Variants in DDHD1 observed in about 807,000 individuals in gnomAD.
The protein encoded by DDHD1 is DDHD domain containing 1.
In DDHD1, 49 loss-of-function variants were observed where a neutral mutation model predicts 96.4. The ratio of observed to expected loss-of-function variants is 0.51; its 90% CI spans 0.40 to 0.64. The LOEUF is 0.64. Among genes scored for constraint, DDHD1 ranks in the 30% least tolerant of loss-of-function variants. The probability of loss-of-function intolerance (pLI) is 0.00; values close to 1 mark genes in which losing one functional copy is unlikely to be tolerated. For missense variants in DDHD1, 1,106 were observed against 1,161.2 expected (o/e 0.95, Z 0.69); for synonymous variants, 442 against 446.5 (o/e 0.99, Z 0.13).
intron 4 of DDHD1, among the ~76,000 whole-genome samples, chr14:53,089,105 C>G (rs1886221991): frequency 6.6e-6 from 1 of 152,138 alleles, no homozygotes. Flanking sequence ...ATCCAACTTA[C>G]AAGGGATGTG....
At chr14:53,105,458 T>G (rs1887617065) in intron 1 of DDHD1, among the ~76,000 whole-genome samples, 2 of 152,168 alleles carry the variant, frequency 1.3e-5, no homozygotes, top group Admixed American at 1.3e-4. Flanking sequence ...TCTGGTATAT[T>G]TAGGTGTTTG....
intron 2 of DDHD1, 122 bp downstream of exon 2, chr14:53,103,561 A>C: frequency 1.2e-6 from 1 of 827,892 alleles, no homozygotes; most frequent in Non-Finnish European, 1.7e-6. Context: ...AAATGTTTAA[A>C]AAAATCAAAT....
At chr14:53,054,341 G>C in intron 11 of DDHD1, 97 bp downstream of exon 11, 3 of 1,042,480 alleles carry the variant, frequency 2.9e-6, no homozygotes, top group South Asian at 2.2e-5. Flanking sequence ...TTAGATCTTA[G>C]AGTTGACTAG....
At position 53,153,236 on chromosome 14, in the gene DDHD1, G is replaced by A. The variant is rs1891605797; in HGVS notation, c.-138C>T. ...TCCCGACCCGAGCTGCGGCGGCAGC[G>A]GCGACCGCTCCGCCCCCACGAGACC... On this transcript the variant is annotated 5_prime_UTR_variant, in exon 1 of 13. Coordinates refer to ENST00000673822, the MANE Select transcript of DDHD1 (RefSeq NM_001160148.2). 3.9e-6 allele frequency: 3 copies of A among 763,544 alleles called. No homozygotes were observed. Among genetic ancestry groups the A allele is most frequent in the East Asian group, 3.4e-5 (1 of 29,064 alleles). 47.3% of individuals were successfully genotyped at this position (763,544 alleles called of 1,614,324 possible).
chr14:53,139,039 A>G (rs1355051499), intron 1 of DDHD1, among the ~76,000 whole-genome samples: 7 of 150,814 alleles, frequency 4.6e-5, no homozygotes, highest in African/African-American at 1.7e-4. Context: ...AGCAACAACT[A>G]AAGAACCATA....
chr14:53,136,952 T>C (rs550362077), intron 1 of DDHD1, among the ~76,000 whole-genome samples: 2 of 152,078 alleles, frequency 1.3e-5, no homozygotes, highest in African/African-American at 2.4e-5. Flanking sequence ...GAAAAGTCCG[T>C]CAATAAAAAC....
chr14:53,066,407 C>T (rs1046260531), intron 6 of DDHD1, among the ~76,000 whole-genome samples: 1 of 152,124 alleles, frequency 6.6e-6, no homozygotes, highest in Non-Finnish European at 1.5e-5. Context: ...CTGCCTTGGC[C>T]TCCCAAAGTG....
In DDHD1 at chr14:53,093,572, T is replaced by C. The variant is rs17126117; in HGVS notation, c.1013-128A>G. ...AACTCAGATATGGAACTTAATTCAA[T>C]AAAACACTATTTCACATAAAAAAAG... On this transcript the variant is annotated intron_variant, in intron 2 of 12. Transcript: ENST00000673822. The C allele has an allele frequency of 0.043, 51,701 of 1,206,566 alleles. 1,814 individuals carry two copies. Among genetic ancestry groups the C allele is most frequent in the Admixed American group, 0.15 (5,272 of 35,702 alleles). The allele number at this position is 1,206,566 out of a possible 1,614,324, so 74.7% of individuals were successfully genotyped here.
At chr14:53,058,999 T>A (rs996242729) in intron 8 of DDHD1, among the ~76,000 whole-genome samples, 6 of 152,160 alleles carry the variant, frequency 3.9e-5, no homozygotes, top group African/African-American at 1.4e-4. Context: ...AAATTTACAG[T>A]CCTGTGGGGA....
In DDHD1 at chr14:53,103,650, G is replaced by A. The variant is rs760951704; in HGVS notation, c.1012+33C>T. The A allele has an allele frequency of 2.6e-6, 4 of 1,532,998 alleles. No individual in the cohort carries two copies. In the African/African-American group the frequency reaches 5.6e-5, roughly 21 times the overall value. The allele number at this position is 1,532,998 out of a possible 1,614,324, so 95.0% of individuals were successfully genotyped here. On this transcript the variant is annotated intron_variant, in intron 2 of 12. Coordinates refer to ENST00000673822, the MANE Select transcript of DDHD1 (RefSeq NM_001160148.2). Reference sequence around the variant, plus strand: ...ACTTTATCAACAACTTACTTGGTTTGTAGAATATATTAAATGTATCAATTG... The same window carrying A: ...ACTTTATCAACAACTTACTTGGTTTATAGAATATATTAAATGTATCAATTG...
chr14:53,115,408 C>G (rs1888464458), intron 1 of DDHD1, among the ~76,000 whole-genome samples: 1 of 151,958 alleles, frequency 6.6e-6, no homozygotes, highest in Admixed American at 6.6e-5. Context: ...GAAGAGCAAC[C>G]CCAAGACACA....
intron 4 of DDHD1, among the ~76,000 whole-genome samples, chr14:53,090,684 T>C (rs1212596384): frequency 1.3e-5 from 2 of 152,066 alleles, no homozygotes; most frequent in East Asian, 3.9e-4. Context: ...TGAGAACACT[T>C]GGACACAGGG....
chr14:53,086,596 A>T (rs1885979277), intron 4 of DDHD1, among the ~76,000 whole-genome samples: 1 of 152,172 alleles, frequency 6.6e-6, no homozygotes, highest in South Asian at 2.1e-4. Flanking sequence ...CAGACAAGCA[A>T]GTGCTGAGAG....
In DDHD1 at chr14:53,073,769, C is replaced by T; in HGVS notation, c.1368G>A (p.Glu456=). The T allele has an allele frequency of 6.2e-7, 1 of 1,608,960 alleles. No homozygotes were observed. Among genetic ancestry groups the T allele is most frequent in the African/African-American group, 1.3e-5 (1 of 74,754 alleles). Residue 456 remains glutamate, a synonymous_variant, in exon 5 of 13, where the codon GAG becomes GAA. Transcript: ENST00000673822. ...HATHVEFLPV[E]WRSKLTLDGD... The stretch of plus-strand genomic sequence containing the variant: ...CATCAAGAGTAAGTTTTGACCGCCA[C>T]TCAACAGGCAGAAATTCAACATGTG...
chr14:53,129,440 C>T (rs1446107504), intron 1 of DDHD1, among the ~76,000 whole-genome samples: 3 of 152,186 alleles, frequency 2.0e-5, no homozygotes, highest in African/African-American at 7.2e-5. Context: ...GCGTTTTATC[C>T]GTGATCTCAA....
chr14:53,078,333 C>A (rs575034072), intron 4 of DDHD1, among the ~76,000 whole-genome samples: 68 of 152,174 alleles, frequency 4.5e-4, no homozygotes, highest in South Asian at 1.2e-3. Flanking sequence ...TAAAGTGGTA[C>A]CTTTAAAGTG....
chr14:53,146,628 T>C (rs1446824215), intron 1 of DDHD1, among the ~76,000 whole-genome samples: 2 of 152,250 alleles, frequency 1.3e-5, no homozygotes, highest in East Asian at 3.8e-4. Flanking sequence ...TTCAGTTCTC[T>C]GGTACAGGCA....
chr14:53,134,875 G>A (rs1173569765), intron 1 of DDHD1, among the ~76,000 whole-genome samples: 2 of 151,996 alleles, frequency 1.3e-5, no homozygotes, highest in African/African-American at 4.8e-5. Context: ...CTGCATCCAG[G>A]CCATCACCAA....
At chr14:53,072,754 C>T (rs185354550) in intron 5 of DDHD1, 51 bp from the exon 6 acceptor site, 12 of 1,251,866 alleles carry the variant, frequency 9.6e-6, no homozygotes, top group South Asian at 1.3e-5. Context: ...GTCTCTGTTA[C>T]AGGAAAGTAA....
Sources: allele counts gnomAD v4.1 joint callset (sites outside exome capture counted in the v4.1 genomes callset), GRCh38; gene constraint gnomAD v4.1.1; transcripts MANE v1.5; gene names NCBI Gene and HGNC (gene_info 2026-07-23, HGNC 2026-07-21).